Variants in NAALADL2 observed in about 807,000 individuals in gnomAD.
NAALADL2 encodes inactive N-acetylated-alpha-linked acidic dipeptidase-like protein 2.
In NAALADL2, 76 loss-of-function variants were observed where a neutral mutation model predicts 87.2. The observed-to-expected ratio is 0.87, with a 90% CI of 0.72 to 1.05. The LOEUF (loss-of-function observed/expected upper bound fraction) is 1.05, where lower values mean the gene tolerates loss of function less well. Among genes scored for constraint, NAALADL2 ranks in the 50% least tolerant of loss-of-function variants. The pLI, the probability that NAALADL2 is intolerant of heterozygous loss-of-function variation, is 0.00. For missense variants in NAALADL2, 1,089 were observed against 945.8 expected (o/e 1.15, Z -1.99); for synonymous variants, 354 against 331.0 (o/e 1.07, Z -0.75).
chr3:174,957,588 C>T (rs949120396), intron 1 of NAALADL2, among the ~76,000 whole-genome samples: 3 of 151,706 alleles, frequency 2.0e-5, no homozygotes, highest in East Asian at 1.9e-4. Context: ...AAGTTTTAAA[C>T]TGTGGTAGGA....
intron 1 of NAALADL2, among the ~76,000 whole-genome samples, chr3:174,966,547 A>G (rs1742901542): frequency 6.6e-6 from 1 of 152,166 alleles, no homozygotes; most frequent in African/African-American, 2.4e-5. Context: ...CTTCGATGTA[A>G]GGATAAAGTG....
chr3:175,601,024 A>AT (rs1722912545), intron 10 of NAALADL2, among the ~76,000 whole-genome samples: 2 of 152,108 alleles, frequency 1.3e-5, no homozygotes, highest in South Asian at 4.1e-4. Flanking sequence ...TGCATTTCTA[A>AT]TTACAATAAG....
intron 1 of NAALADL2, among the ~76,000 whole-genome samples, chr3:174,461,971 T>C (rs1716242661): frequency 6.6e-6 from 1 of 152,060 alleles, no homozygotes; most frequent in South Asian, 2.1e-4. Context: ...TTGAGATGGA[T>C]ATTGTGTGTT....
chr3:175,769,659 G>T (rs1749211701), intron 13 of NAALADL2, among the ~76,000 whole-genome samples: 1 of 152,144 alleles, frequency 6.6e-6, no homozygotes, highest in Non-Finnish European at 1.5e-5. Flanking sequence ...ATCTAGGCAT[G>T]TCAGTCAGGA....
At chr3:175,202,465 T>C (rs1331363298) in intron 2 of NAALADL2, among the ~76,000 whole-genome samples, 1 of 152,158 alleles carries the variant, frequency 6.6e-6, no homozygotes, top group Non-Finnish European at 1.5e-5. Context: ...TGCATTGTAA[T>C]GAGAAAGAAA....
Position 175,675,132 on chromosome 3 carries a change from T to G in NAALADL2, c.1896+47746T>G, listed in dbSNP as rs138787881. ...ATACCAATTGCACCTGTGGCCACAG[T>G]TAGCAGGATAGTATATGGCTGTTGG... On this transcript the variant is annotated intron_variant, in intron 11 of 13. Coordinates refer to ENST00000454872, the MANE Select transcript of NAALADL2 (RefSeq NM_207015.3). 2.6e-5 allele frequency: 4 copies of G among 152,310 alleles called. No individual in the cohort carries two copies. In the East Asian group the frequency reaches 7.7e-4, roughly 29 times the overall value. The allele number at this position is 152,310 out of a possible 1,614,324, so 9.4% of individuals were successfully genotyped here. A position where few individuals can be genotyped will look rare whatever the true frequency, so the allele number is the denominator to read the frequency against.
chr3:174,955,224 G>A (rs181000112), intron 1 of NAALADL2, among the ~76,000 whole-genome samples: 52 of 152,056 alleles, frequency 3.4e-4, no homozygotes, highest in East Asian at 1.4e-3. Context: ...TATAATTCAC[G>A]ACGCATTTTC....
At chr3:175,048,732 C>G (rs1235031986) in intron 1 of NAALADL2, among the ~76,000 whole-genome samples, 2 of 152,052 alleles carry the variant, frequency 1.3e-5, no homozygotes, top group African/African-American at 4.8e-5. Context: ...TGTGGATACT[C>G]TTAGGTTTCA....
chr3:174,570,578 A>C (rs1263008414), intron 2 of NAALADL2, among the ~76,000 whole-genome samples: 1 of 152,114 alleles, frequency 6.6e-6, no homozygotes, highest in Non-Finnish European at 1.5e-5. Context: ...CAACAGTAGG[A>C]AGTATCTTTT....
At chr3:174,892,351 T>C (rs981579822) in intron 1 of NAALADL2, among the ~76,000 whole-genome samples, 5 of 152,146 alleles carry the variant, frequency 3.3e-5, no homozygotes, top group African/African-American at 1.2e-4. Flanking sequence ...TTCAGAATTC[T>C]ATCCGATAAA....
At chr3:174,703,403 G>A (rs186792610) in intron 2 of NAALADL2, among the ~76,000 whole-genome samples, 3 of 151,774 alleles carry the variant, frequency 2.0e-5, no homozygotes, top group Admixed American at 2.0e-4. Flanking sequence ...TTAGTGAGGT[G>A]AGGAGCAGCA....
At chr3:174,821,652 G>A (rs753936852) in intron 3 of NAALADL2, among the ~76,000 whole-genome samples, 15 of 152,286 alleles carry the variant, frequency 9.8e-5, no homozygotes, top group Middle Eastern at 3.4e-3. Flanking sequence ...CTTCCCAGAG[G>A]ACTCAGTGGT....
chr3:175,085,047 C>T (rs1718617889), intron 1 of NAALADL2, among the ~76,000 whole-genome samples: 1 of 152,076 alleles, frequency 6.6e-6, no homozygotes, highest in Non-Finnish European at 1.5e-5. Flanking sequence ...TTTGTTAGGG[C>T]TTGATTTTGG....
At chr3:174,560,123 T>G (rs1262209815) in intron 2 of NAALADL2, among the ~76,000 whole-genome samples, 2 of 152,230 alleles carry the variant, frequency 1.3e-5, no homozygotes, top group Admixed American at 1.3e-4. Flanking sequence ...TCTTTTTAAT[T>G]ACTTTTGTCT....
chr3:174,651,140 G>T (rs1724316269), intron 2 of NAALADL2, among the ~76,000 whole-genome samples: 1 of 151,906 alleles, frequency 6.6e-6, no homozygotes, highest in Admixed American at 6.6e-5. Context: ...AATATGATTT[G>T]AAAACTATTG....
In NAALADL2 at chr3:175,667,262, A is replaced by AAAGAAAGAAAGG. The variant is rs1560943971; in HGVS notation, c.1896+39879_1896+39880insAAAGAAAGGAAG. ...AAGAAAAAGAAAGAAAGAAAGAAAG[A>AAAGAAAGAAAGG]AAGGAAGGAAGGGATGGGGATCTGA... On this transcript the variant is annotated intron_variant, in intron 11 of 13. Coordinates refer to ENST00000454872, the MANE Select transcript of NAALADL2 (RefSeq NM_207015.3). 2.2e-3 allele frequency among the ~76,000 whole-genome samples: 319 copies of AAAGAAAGAAAGG among 144,246 alleles called. 4 individuals carry two copies. Among genetic ancestry groups the AAAGAAAGAAAGG allele is most frequent in the African/African-American group, 8.7e-3 (313 of 35,894 alleles). The allele number at this position is 144,246 out of a possible 152,430, so 94.6% of individuals were successfully genotyped here. A position where few individuals can be genotyped will look rare whatever the true frequency, so the allele number is the denominator to read the frequency against.
At chr3:175,783,585 G>A (rs1023336764) in intron 13 of NAALADL2, among the ~76,000 whole-genome samples, 2 of 152,016 alleles carry the variant, frequency 1.3e-5, no homozygotes, top group African/African-American at 2.4e-5. Flanking sequence ...TTGCTTATCA[G>A]CTTAAGGAGA....
intron 1 of NAALADL2, among the ~76,000 whole-genome samples, chr3:174,495,980 CTA>C (rs1399724830): frequency 6.6e-6 from 1 of 152,132 alleles, no homozygotes; most frequent in Admixed American, 6.5e-5. Context: ...ACACTGAACT[CTA>C]TGACCTCCTA....
At chr3:175,289,590 C>A (rs991355391) in intron 4 of NAALADL2, among the ~76,000 whole-genome samples, 2 of 92,990 alleles carry the variant, frequency 2.2e-5, no homozygotes, top group African/African-American at 9.5e-5. Flanking sequence ...ACACATATAG[C>A]CTCCCTCCCC....
Sources: allele counts gnomAD v4.1 joint callset (sites outside exome capture counted in the v4.1 genomes callset), GRCh38; gene constraint gnomAD v4.1.1; transcripts MANE v1.5; gene names NCBI Gene and HGNC (gene_info 2026-07-23, HGNC 2026-07-21).